EXOC2: variants seen among roughly 807,000 people sequenced by gnomAD.
The protein encoded by EXOC2 is exocyst complex component 2.
EXOC2 carries 70 observed loss-of-function variants against 131.8 expected under a neutral mutation model. That is an observed-to-expected ratio of 0.53 (90% CI 0.44 to 0.65). The LOEUF is 0.65. Among genes scored for constraint, EXOC2 ranks in the 30% least tolerant of loss-of-function variants. The pLI, the probability that EXOC2 is intolerant of heterozygous loss-of-function variation, is 0.00. For synonymous variants in EXOC2, 411 were observed against 398.4 expected, an observed-to-expected ratio of 1.03 and a Z score of -0.38; for missense variants, 923 against 1,108.6, an observed-to-expected ratio of 0.83 and a Z score of 2.38.
chr6:548,591 G>A (rs796419408), intron 22 of EXOC2, among the ~76,000 whole-genome samples: 38 of 152,246 alleles, frequency 2.5e-4, no homozygotes, highest in African/African-American at 8.9e-4. Flanking sequence ...ATCTTTCTGC[G>A]TGCAGTGATT....
At chr6:590,757 A>G (rs961157197) in intron 11 of EXOC2, among the ~76,000 whole-genome samples, 1 of 152,066 alleles carries the variant, frequency 6.6e-6, no homozygotes, top group Non-Finnish European at 1.5e-5. Flanking sequence ...TTCTTCTACC[A>G]GCCCCTAAAA....
chr6:523,221 G>C (rs1765570315), intron 23 of EXOC2, among the ~76,000 whole-genome samples: 1 of 152,174 alleles, frequency 6.6e-6, no homozygotes, highest in African/African-American at 2.4e-5. Flanking sequence ...CTACCAGTTT[G>C]GTGTCCTTCA....
intron 7 of EXOC2, among the ~76,000 whole-genome samples, chr6:603,669 G>A (rs991279247): frequency 1.3e-5 from 2 of 151,874 alleles, no homozygotes; most frequent in Non-Finnish European, 2.9e-5. Flanking sequence ...CTGAGCAAAC[G>A]TCAGTTTCTT....
Position 617,771 on chromosome 6 carries a change from T to C in EXOC2, c.601A>G (p.Ser201Gly), listed in dbSNP as rs762853066. The C allele has an allele frequency of 6.2e-7, 1 of 1,613,814 alleles. No individual in the cohort carries two copies. The highest frequency in any genetic ancestry group is 2.2e-5 in the East Asian group (1 of 44,886). ...KRQANKKSEG[S>G]LAYVKGGLST... Reference sequence around the variant, plus strand: ...AGACCGCCTTTCACATAGGCCAGGCTGCCCTCACTCTTCTTGTTAGCCTGT... The same window carrying C: ...AGACCGCCTTTCACATAGGCCAGGCCGCCCTCACTCTTCTTGTTAGCCTGT... Residue 201 changes from serine (S) to glycine (G), a missense_variant, in exon 6 of 28, where the codon AGC becomes GGC. Physicochemically the swap from Ser to Gly is moderately conservative, Grantham distance 56. Coordinates refer to ENST00000230449, the MANE Select transcript of EXOC2 (RefSeq NM_018303.6).
intron 7 of EXOC2, 25 bp from the exon 8 acceptor site, chr6:599,250 C>T: frequency 6.6e-7 from 1 of 1,512,678 alleles, no homozygotes; most frequent in Non-Finnish European, 8.9e-7. Context: ...GGAAAGGAAA[C>T]TTAGATGAAA....
chr6:531,795 A>T (rs1766103415), intron 23 of EXOC2, among the ~76,000 whole-genome samples: 1 of 152,260 alleles, frequency 6.6e-6, no homozygotes, highest in Non-Finnish European at 1.5e-5. Context: ...ACTTCTCTAC[A>T]AAAGTGCCAA....
chr6:687,586 T>C (rs1349947219), intron 1 of EXOC2, among the ~76,000 whole-genome samples: 2 of 148,132 alleles, frequency 1.4e-5, no homozygotes, highest in African/African-American at 5.1e-5. Flanking sequence ...TGGACTCCTA[T>C]ACCCCAGAAA....
intron 3 of EXOC2, among the ~76,000 whole-genome samples, chr6:632,715 T>C (rs2127707398): frequency 6.6e-6 from 1 of 152,332 alleles, no homozygotes. Context: ...GTAGTTCTCA[T>C]ACGACCGTCA....
intron 22 of EXOC2, among the ~76,000 whole-genome samples, chr6:539,409 GC>G (rs1421866788): frequency 2.0e-5 from 3 of 152,184 alleles, no homozygotes; most frequent in Non-Finnish European, 2.9e-5. Context: ...ACTGATGCCA[GC>G]CAGTGCTCCC....
intron 2 of EXOC2, among the ~76,000 whole-genome samples, chr6:634,661 C>T (rs372176469): frequency 2.0e-5 from 3 of 152,046 alleles, no homozygotes; most frequent in East Asian, 1.9e-4. Context: ...TCTAAAATAC[C>T]TATAATTCAC....
intron 25 of EXOC2, among the ~76,000 whole-genome samples, chr6:495,712 A>C (rs1180837159): frequency 6.6e-6 from 1 of 152,070 alleles, no homozygotes; most frequent in African/African-American, 2.4e-5. Flanking sequence ...TCAGTCTTTA[A>C]TTTTTATCCT....
intron 24 of EXOC2, 24 bp from the exon 25 acceptor site, chr6:497,513 G>A (rs200389601): frequency 1.3e-4 from 205 of 1,590,940 alleles, no homozygotes; most frequent in Non-Finnish European, 1.6e-4. Flanking sequence ...GGAAGACATG[G>A]TGCTTTGTGG....
chr6:531,085 T>G (rs1247157697), intron 23 of EXOC2, among the ~76,000 whole-genome samples: 1 of 152,162 alleles, frequency 6.6e-6, no homozygotes, highest in Non-Finnish European at 1.5e-5. Flanking sequence ...AAGTCTGGGG[T>G]TAGCCTCAGG....
chr6:541,308 G>A (rs1455639557), intron 22 of EXOC2, among the ~76,000 whole-genome samples: 2 of 152,056 alleles, frequency 1.3e-5, no homozygotes, highest in East Asian at 3.8e-4. Flanking sequence ...CGAAAACATG[G>A]GAAACACAGC....
In EXOC2 at chr6:532,525, A is replaced by C. The variant is rs1392676410; in HGVS notation, c.2324T>G (p.Leu775Ter). ...ELKADPIVGS[L>*]EPGIYAGYFD... ...ATATCCTGCATAAATTCCAGGTTCTAAGGAGCCAACGATGGGATCTGCTTT... is the reference window on the plus strand; with the variant it reads ...ATATCCTGCATAAATTCCAGGTTCTCAGGAGCCAACGATGGGATCTGCTTT... The change falls in exon 23 of 28, where the codon TTA (leucine) becomes TGA (stop). Residue 775 changes from leucine (L) to a stop codon, truncating the protein, a stop_gained. Transcript: ENST00000230449. LOFTEE classifies it high-confidence loss of function. 1 of 1,608,662 alleles carries C rather than the reference A, an allele frequency of 6.2e-7. No homozygotes were observed. The highest frequency in any genetic ancestry group is 8.5e-7 in the Non-Finnish European group (1 of 1,178,404).
At chr6:686,232 G>C (rs904186938) in intron 1 of EXOC2, among the ~76,000 whole-genome samples, 4 of 151,118 alleles carry the variant, frequency 2.6e-5, no homozygotes, top group African/African-American at 9.7e-5. Context: ...AAAGTGCTGG[G>C]ATTACAGGTG....
rs1400258510 is a variant in EXOC2 at position 493,227 on chromosome 6, C to T, written c.2560-2041G>A. ...ATATATGACACAGGATATTCAGTGA[C>T]CTTTTTCTGTTTGGAAGGCAATTGT... On this transcript the variant is annotated intron_variant, in intron 25 of 27. Coordinates refer to ENST00000230449, the MANE Select transcript of EXOC2 (RefSeq NM_018303.6). Among the ~76,000 whole-genome samples, 3 of 152,190 alleles carry T rather than the reference C, an allele frequency of 2.0e-5. No individual in the cohort carries two copies. The South Asian group carries it at 6.2e-4, about 32-fold the overall frequency.
At position 599,244 on chromosome 6, in the gene EXOC2, A is replaced by T. The variant is rs770552960; in HGVS notation, c.743-19T>A. On this transcript the variant is annotated intron_variant, in intron 7 of 27. Transcript: ENST00000230449. ...CTTGCTCCTGTTTTAAAAAGAGGAA[A>T]GGAAACTTAGATGAAAGCTGATTTT... is the stretch of plus-strand genomic sequence containing the variant. 8.5e-6 allele frequency: 13 copies of T among 1,520,920 alleles called. No homozygotes were observed. Among genetic ancestry groups the T allele is most frequent in the African/African-American group, 2.8e-5 (2 of 71,956 alleles). 94.2% of individuals were successfully genotyped at this position (1,520,920 alleles called of 1,614,324 possible).
chr6:607,980 TA>T (rs908171143), intron 7 of EXOC2, among the ~76,000 whole-genome samples: 2 of 151,798 alleles, frequency 1.3e-5, no homozygotes, highest in African/African-American at 2.4e-5. Context: ...TTGCCCAATT[TA>T]AAAAAAAATC....
Sources: allele counts gnomAD v4.1 joint callset (sites outside exome capture counted in the v4.1 genomes callset), GRCh38; gene constraint gnomAD v4.1.1; transcripts MANE v1.5; gene names NCBI Gene and HGNC (gene_info 2026-07-23, HGNC 2026-07-21).